APBA1: variants seen among roughly 807,000 people sequenced by gnomAD.
APBA1 encodes the protein amyloid beta precursor protein binding family A member 1.
Under a neutral mutation model 86.6 loss-of-function variants are expected in APBA1, and 55 were observed. The observed-to-expected ratio is 0.64, with a 90% CI of 0.51 to 0.80. APBA1 has a LOEUF of 0.80. APBA1 is among the 30% of genes least tolerant of loss of function. The pLI, the probability that APBA1 is intolerant of heterozygous loss-of-function variation, is 0.00. For missense variants in APBA1, 1,090 were observed against 1,183.0 expected (o/e 0.92, Z 1.15); for synonymous variants, 511 against 493.9 (o/e 1.03, Z -0.46).
intron 1 of APBA1, among the ~76,000 whole-genome samples, chr9:69,658,569 A>AT (rs71356125): frequency 0.81 from 113,743 of 140,956 alleles, 47,249 homozygotes; most frequent in East Asian, 0.96. Context: ...TGCCCAGCTA[A>AT]TTTTTTTTTT....
rs367779685 is a variant in APBA1, at chr9:69,634,005, T to A, written c.-70+38148A>T. 1.2e-4 allele frequency among the ~76,000 whole-genome samples: 18 copies of A among 152,302 alleles called. No homozygotes were observed. The East Asian group carries it at 2.7e-3, about 23-fold the overall frequency. ...ATGGCTGAATAGAAGCCTTCACTGA[T>A]CATCCTCCCTGCAGGAACACCAAAT... On this transcript the variant is annotated intron_variant, in intron 1 of 12. Transcript: ENST00000265381.
Position 69,467,781 on chromosome 9 carries a change from C to T in APBA1, c.1482+42G>A, listed in dbSNP as rs759025085. The T allele has an allele frequency of 4.3e-6, 7 of 1,612,424 alleles. No homozygotes were observed. In the South Asian group the frequency reaches 7.7e-5, roughly 18 times the overall value. The stretch of plus-strand genomic sequence containing the variant: ...GTGTTGTAGACTGCTCCAGTGCCTA[C>T]ACCAGCCCCCTGTCCCTGTTGGAGC... On this transcript the variant is annotated intron_variant, in intron 5 of 12. Transcript: ENST00000265381.
chr9:69,522,376 A>C (rs1037186128), intron 1 of APBA1, among the ~76,000 whole-genome samples: 1 of 150,388 alleles, frequency 6.6e-6, no homozygotes, highest in African/African-American at 2.5e-5. Flanking sequence ...AGAAGAACTC[A>C]TTTCTTCTTT....
intron 1 of APBA1, among the ~76,000 whole-genome samples, chr9:69,555,725 G>A (rs1836850658): frequency 6.6e-6 from 1 of 152,154 alleles, no homozygotes; most frequent in African/African-American, 2.4e-5. Flanking sequence ...TTTTAGCAAT[G>A]AGAAAGGATA....
chr9:69,482,480 C>T (rs1237386470), intron 2 of APBA1, among the ~76,000 whole-genome samples: 1 of 151,020 alleles, frequency 6.6e-6, no homozygotes, highest in African/African-American at 2.4e-5. Context: ...ACAATGGGTG[C>T]TGGAGAGGAT....
intron 1 of APBA1, among the ~76,000 whole-genome samples, chr9:69,559,477 G>A (rs891417350): frequency 2.6e-4 from 40 of 152,050 alleles, no homozygotes; most frequent in South Asian, 6.2e-4. Context: ...GGAATCCTAT[G>A]GTGGGTACTC....
At chr9:69,499,509 C>A (rs1275724848) in intron 2 of APBA1, among the ~76,000 whole-genome samples, 1 of 151,970 alleles carries the variant, frequency 6.6e-6, no homozygotes, top group African/African-American at 2.4e-5. Context: ...GAATCCTTCA[C>A]AAAAAATGGC....
At chr9:69,482,391 A>C (rs1409851579) in intron 2 of APBA1, among the ~76,000 whole-genome samples, 2 of 151,732 alleles carry the variant, frequency 1.3e-5, no homozygotes, top group Non-Finnish European at 2.9e-5. Flanking sequence ...ATCACTGGCC[A>C]TCAGAGAAAT....
intron 1 of APBA1, among the ~76,000 whole-genome samples, chr9:69,626,692 A>T (rs983973759): frequency 6.6e-6 from 1 of 152,192 alleles, no homozygotes; most frequent in Non-Finnish European, 1.5e-5. Context: ...AGACTTGGCC[A>T]AATCTCTTGG....
chr9:69,461,704 A>G (rs1329660922), intron 5 of APBA1: 3 of 152,206 alleles, frequency 2.0e-5, no homozygotes, highest in African/African-American at 7.2e-5. Flanking sequence ...GTGAAGTGGC[A>G]GAATAGAGAT....
chr9:69,440,932 C>T (rs147194642), intron 11 of APBA1, 64 bp downstream of exon 11: 2 of 1,577,074 alleles, frequency 1.3e-6, no homozygotes, highest in Non-Finnish European at 1.7e-6. Context: ...CTCCACCCCC[C>T]CAGCCATGCT....
chr9:69,459,970 C>A (rs767995263), intron 5 of APBA1, among the ~76,000 whole-genome samples: 1 of 152,174 alleles, frequency 6.6e-6, no homozygotes, highest in Non-Finnish European at 1.5e-5. Flanking sequence ...CAAATAATGG[C>A]AAGTCAATGG....
At chr9:69,607,079 T>G (rs1485891757) in intron 1 of APBA1, among the ~76,000 whole-genome samples, 1 of 152,220 alleles carries the variant, frequency 6.6e-6, no homozygotes, top group Non-Finnish European at 1.5e-5. Flanking sequence ...CAGCCTTTAG[T>G]TTGTCTGTTA....
chr9:69,514,774 G>C (rs917241711), intron 2 of APBA1, among the ~76,000 whole-genome samples: 1 of 151,780 alleles, frequency 6.6e-6, no homozygotes, highest in Non-Finnish European at 1.5e-5. Flanking sequence ...GCTGGACGTG[G>C]TGACACCTGC....
intron 1 of APBA1, among the ~76,000 whole-genome samples, chr9:69,609,369 C>T (rs2133980664): frequency 6.6e-6 from 1 of 152,316 alleles, no homozygotes; most frequent in South Asian, 2.1e-4. Flanking sequence ...AATCCTTCTG[C>T]AAGGACATCT....
chr9:69,551,029 C>A (rs1836776739), intron 1 of APBA1, among the ~76,000 whole-genome samples: 1 of 152,058 alleles, frequency 6.6e-6, no homozygotes, highest in Admixed American at 6.5e-5. Context: ...GCGTGTTAAA[C>A]CTTAGCTATG....
intron 2 of APBA1, chr9:69,494,283 A>C (rs911357807): frequency 7.2e-5 from 11 of 152,098 alleles, no homozygotes; most frequent in African/African-American, 2.7e-4. Flanking sequence ...CTCTTTTCCC[A>C]CAGGCAAAGC....
At chr9:69,494,593 C>G (rs1289423266) in intron 2 of APBA1, 1 of 152,130 alleles carries the variant, frequency 6.6e-6, no homozygotes. Context: ...CCCTTTGAAA[C>G]AGCCTCACTG....
intron 11 of APBA1, among the ~76,000 whole-genome samples, chr9:69,436,737 T>C (rs1316396990): frequency 1.3e-5 from 2 of 152,156 alleles, no homozygotes; most frequent in East Asian, 1.9e-4. Flanking sequence ...ATAATTTGAC[T>C]TCCTCTTTTC....
Sources: gnomAD v4.1 joint callset for allele counts (sites outside exome capture counted in the v4.1 genomes callset) on GRCh38, gnomAD v4.1.1 for gene constraint, MANE v1.5 for transcripts, NCBI Gene and HGNC (gene_info 2026-07-23, HGNC 2026-07-21) for gene names.